Variants in PRKN observed in about 807,000 individuals in gnomAD.
PRKN encodes E3 ubiquitin-protein ligase parkin.
In PRKN, 56 loss-of-function variants were observed where a neutral mutation model predicts 59.5. The ratio of observed to expected loss-of-function variants is 0.94; its 90% CI spans 0.76 to 1.18. The LOEUF is 1.18. PRKN is among the 50% of genes most tolerant of loss of function. PRKN has a pLI of 0.00. For missense variants in PRKN, 657 were observed against 596.4 expected (o/e 1.10, Z -1.06); for synonymous variants, 250 against 222.1 (o/e 1.13, Z -1.12).
rs533140352 is a variant in PRKN at position 161,413,154 on chromosome 6, G to A, written c.1084-26277C>T. Among the ~76,000 whole-genome samples the A allele has an allele frequency of 2.2e-4, 34 of 152,312 alleles. No homozygotes were observed. In the South Asian group the frequency reaches 6.6e-3, roughly 30 times the overall value. On this transcript the variant is annotated intron_variant, in intron 9 of 11. Coordinates refer to ENST00000366898, the MANE Select transcript of PRKN (RefSeq NM_004562.3). This position sits in a 1 kb window ranked among gnomAD's most constrained non-coding sequence, Gnocchi z 4.4. ...CAGGAGGTCAAGTACGTGGAAGTCTGAGGGGCGGAGGAATGTGCATTTAGG... is the reference window on the plus strand; with the variant it reads ...CAGGAGGTCAAGTACGTGGAAGTCTAAGGGGCGGAGGAATGTGCATTTAGG...
chr6:161,999,108 C>G (rs947282049), intron 5 of PRKN, among the ~76,000 whole-genome samples: 1 of 152,098 alleles, frequency 6.6e-6, no homozygotes, highest in Non-Finnish European at 1.5e-5. Context: ...CAGAATTATA[C>G]ACAGCTTGCC....
intron 7 of PRKN, among the ~76,000 whole-genome samples, chr6:161,717,779 C>T (rs1000648247): frequency 2.2e-4 from 34 of 152,278 alleles, no homozygotes; most frequent in African/African-American, 8.2e-4. Context: ...AAGGGGGTGC[C>T]TGTGTGTCAC....
At chr6:161,482,568 T>A (rs1419600851) in intron 9 of PRKN, among the ~76,000 whole-genome samples, 2 of 152,250 alleles carry the variant, frequency 1.3e-5, no homozygotes, top group African/African-American at 2.4e-5. Context: ...TAATTTGGAA[T>A]GTTTTAGAAA....
At chr6:161,795,048 C>A (rs1790784590) in intron 6 of PRKN, among the ~76,000 whole-genome samples, 1 of 151,398 alleles carries the variant, frequency 6.6e-6, no homozygotes, top group Non-Finnish European at 1.5e-5. Flanking sequence ...CCACACCCAG[C>A]TAATTTTTTG....
rs1562774269 is a variant in PRKN, at chr6:162,450,405, A to AATGTAAACGCCCCTG, written c.8-6933_8-6932insCAGGGGCGTTTACAT. Among the ~76,000 whole-genome samples, 144 of 123,700 alleles carry AATGTAAACGCCCCTG rather than the reference A, an allele frequency of 1.2e-3. 3 individuals carry two copies. The highest frequency in any genetic ancestry group is 5.1e-3 in the African/African-American group (136 of 26,846). 81.2% of individuals were successfully genotyped at this position (123,700 alleles called of 152,430 possible). On this transcript the variant is annotated intron_variant, in intron 1 of 11. Coordinates refer to ENST00000366898, the MANE Select transcript of PRKN (RefSeq NM_004562.3). ...TCCCCCTGTGAATGTAAACGCCCCT[A>AATGTAAACGCCCCTG]TGATTGTAACACCCCTGTGATTGTC...
rs1777744451 is a variant in PRKN, at chr6:161,898,424, C to T, written c.734+74878G>A. Among the ~76,000 whole-genome samples the T allele has an allele frequency of 2.0e-5, 3 of 152,266 alleles. No individual in the cohort carries two copies. In the South Asian group the frequency reaches 6.2e-4, roughly 32 times the overall value. On this transcript the variant is annotated intron_variant, in intron 6 of 11. Coordinates refer to ENST00000366898, the MANE Select transcript of PRKN (RefSeq NM_004562.3). The stretch of plus-strand genomic sequence containing the variant: ...CTTTACACTGTTCACAATATCCTTT[C>T]ATCTACATAATTTTTATGTACACTT...
rs115960502 is a variant in PRKN, at chr6:161,785,480, T to C, written c.871+292A>G. 6.8e-3 allele frequency among the ~76,000 whole-genome samples: 1,035 copies of C among 152,278 alleles called. 13 individuals are homozygous for C. Among genetic ancestry groups the C allele is most frequent in the African/African-American group, 0.024 (992 of 41,552 alleles). On this transcript the variant is annotated intron_variant, in intron 7 of 11. Coordinates refer to ENST00000366898, the MANE Select transcript of PRKN (RefSeq NM_004562.3). ...GTTCCACGGTAACAAATCTAGAACATGGAGAGTGACTCTAACCCACAGAAA... is the reference window on the plus strand; with the variant it reads ...GTTCCACGGTAACAAATCTAGAACACGGAGAGTGACTCTAACCCACAGAAA...
At chr6:162,107,937 A>AAAGGAGGAAGGAATGAAGG (rs1447966451) in intron 4 of PRKN, among the ~76,000 whole-genome samples, 1 of 152,224 alleles carries the variant, frequency 6.6e-6, no homozygotes, top group Non-Finnish European at 1.5e-5. Context: ...TTTGCAAAAG[A>AAAGGAGGAAGGAATGAAGG]AAGGAGGAAG....
chr6:162,038,078 T>A (rs1221577947), intron 5 of PRKN, among the ~76,000 whole-genome samples: 1 of 151,598 alleles, frequency 6.6e-6, no homozygotes, highest in Non-Finnish European at 1.5e-5. Flanking sequence ...AAACTTTTCC[T>A]AAGCCATTAT....
chr6:161,369,143 AC>A lies in PRKN; in HGVS notation c.1168-8939del, dbSNP rs571725991. On this transcript the variant is annotated intron_variant, in intron 10 of 11. Transcript: ENST00000366898. The surrounding 1 kb of genome is among the most constrained non-coding windows in gnomAD (Gnocchi z 5.8). ...AGAGGGGATTTCTACCAGGAGGAGC[AC>A]ATCTTTGCTTTGCATCCTTCATGAG... Among the ~76,000 whole-genome samples the A allele has an allele frequency of 1.3e-5, 2 of 152,302 alleles. No homozygotes were observed. The highest frequency in any genetic ancestry group is 2.9e-5 in the Non-Finnish European group (2 of 68,024).
At chr6:162,319,111 A>G (rs1782874158) in intron 2 of PRKN, among the ~76,000 whole-genome samples, 1 of 152,030 alleles carries the variant, frequency 6.6e-6, no homozygotes, top group South Asian at 2.1e-4. Flanking sequence ...TAAGTCACAA[A>G]TTGATTTTTT....
At chr6:162,036,289 A>G (rs1250303180) in intron 5 of PRKN, among the ~76,000 whole-genome samples, 1 of 151,864 alleles carries the variant, frequency 6.6e-6, no homozygotes, top group Non-Finnish European at 1.5e-5. Context: ...ACGCCACTGC[A>G]CTCCAGCCTG....
Position 161,471,624 on chromosome 6 carries a change from T to C in PRKN, c.1083+77230A>G, listed in dbSNP as rs543918755. 2.9e-4 allele frequency among the ~76,000 whole-genome samples: 44 copies of C among 152,266 alleles called. No individual in the cohort carries two copies. Among genetic ancestry groups the C allele is most frequent in the Non-Finnish European group, 5.9e-4 (40 of 68,018 alleles). On this transcript the variant is annotated intron_variant, in intron 9 of 11. Coordinates refer to ENST00000366898, the MANE Select transcript of PRKN (RefSeq NM_004562.3). This position sits in a 1 kb window ranked among gnomAD's most constrained non-coding sequence, Gnocchi z 4.5. Reference sequence around the variant, plus strand: ...ATATGCTCTTGAATTGGATGGTCTATCGGAAACAGAATCAGGATTCAAAAA... The same window carrying C: ...ATATGCTCTTGAATTGGATGGTCTACCGGAAACAGAATCAGGATTCAAAAA...
intron 6 of PRKN, among the ~76,000 whole-genome samples, chr6:161,807,244 CACACACACACGA>C (rs1791370115): frequency 6.6e-6 from 1 of 152,102 alleles, no homozygotes. Context: ...CACACGTGTG[CACACACACACGA>C]ATACACACAC....
intron 7 of PRKN, among the ~76,000 whole-genome samples, chr6:161,609,157 T>C (rs917813005): frequency 6.6e-6 from 1 of 152,238 alleles, no homozygotes; most frequent in South Asian, 2.1e-4. Flanking sequence ...ACAACCATAA[T>C]TCTGACACTG....
At chr6:162,207,323 G>C (rs1036360975) in intron 3 of PRKN, among the ~76,000 whole-genome samples, 1 of 152,074 alleles carries the variant, frequency 6.6e-6, no homozygotes, top group Admixed American at 6.6e-5. Context: ...AGTGAGCTGA[G>C]ATCCCATCAC....
chr6:162,365,750 C>T (rs1170968103), intron 2 of PRKN, among the ~76,000 whole-genome samples: 1 of 152,102 alleles, frequency 6.6e-6, no homozygotes, highest in Admixed American at 6.5e-5. Context: ...ATCTTTTATA[C>T]CTTCTCGGTT....
At position 161,888,301 on chromosome 6, in the gene PRKN, T is replaced by C. The variant is rs528592861; in HGVS notation, c.734+85001A>G. On this transcript the variant is annotated intron_variant, in intron 6 of 11. Transcript: ENST00000366898. ...TCAGCGCTTACCTTCTACCCATTCA[T>C]GTTAACAGCTTCTGCAGCCCTCCTA... Among the ~76,000 whole-genome samples the C allele has an allele frequency of 4.3e-4, 65 of 152,328 alleles. 1 individual carries two copies. In the South Asian group the frequency reaches 0.013, roughly 30 times the overall value.
intron 7 of PRKN, among the ~76,000 whole-genome samples, chr6:161,660,894 G>T (rs929151852): frequency 6.6e-6 from 1 of 151,892 alleles, no homozygotes; most frequent in African/African-American, 2.4e-5. Context: ...TCCTCCCACT[G>T]CCCTCCCTAT....
Sources: allele counts gnomAD v4.1 joint callset (sites outside exome capture counted in the v4.1 genomes callset), GRCh38; gene constraint gnomAD v4.1.1; non-coding constraint Gnocchi (gnomAD v3.1); transcripts MANE v1.5; gene names NCBI Gene and HGNC (gene_info 2026-07-23, HGNC 2026-07-21).